The following GATA4 variants were observed in gnomAD, a reference collection of about 807,000 sequenced individuals.
The protein encoded by GATA4 is GATA binding protein 4, also known as transcription factor GATA-4.
Under a neutral mutation model 37.9 loss-of-function variants are expected in GATA4, and 7 were observed. The ratio of observed to expected loss-of-function variants is 0.18; its 90% CI spans 0.11 to 0.35. GATA4 has a LOEUF of 0.35. Ranked by LOEUF, GATA4 falls within the 10% of genes least tolerant of loss-of-function variation. The pLI, the probability that GATA4 is intolerant of heterozygous loss-of-function variation, is 1.00. For missense variants in GATA4, 647 were observed against 653.0 expected (o/e 0.99, Z 0.10); for synonymous variants, 372 against 292.6 (o/e 1.27, Z -2.77).
chr8:11,734,144 A>G (rs1801338466), intron 2 of GATA4, among the ~76,000 whole-genome samples: 1 of 152,256 alleles, frequency 6.6e-6, no homozygotes, highest in Non-Finnish European at 1.5e-5. Context: ...ACATTTGAAC[A>G]TGGCTAAAAT....
intron 1 of GATA4, among the ~76,000 whole-genome samples, chr8:11,687,397 C>T (rs926004641): frequency 6.6e-6 from 1 of 152,120 alleles, no homozygotes; most frequent in South Asian, 2.1e-4. Flanking sequence ...TAATCTCCAC[C>T]TGTAATCAAA....
upstream of GATA4, among the ~76,000 whole-genome samples, chr8:11,687,927 GT>G (rs1301612156): frequency 6.6e-6 from 1 of 152,176 alleles, no homozygotes; most frequent in Non-Finnish European, 1.5e-5. Flanking sequence ...CACTCCATGA[GT>G]TCATGGAAAA....
At chr8:11,684,301 C>A (rs1328657324) in intron 1 of GATA4, among the ~76,000 whole-genome samples, 2 of 152,224 alleles carry the variant, frequency 1.3e-5, no homozygotes, top group Admixed American at 1.3e-4. Context: ...AGTTCCCACA[C>A]AAACACCTAC....
At chr8:11,680,883 C>T (rs994935691) in intron 1 of GATA4, 1 of 985,252 alleles carries the variant, frequency 1.0e-6, no homozygotes, top group Admixed American at 6.1e-5. Context: ...CAGTTGCGAC[C>T]CCCTGTGTGA....
intron 2 of GATA4, among the ~76,000 whole-genome samples, chr8:11,710,131 C>T (rs937862610): frequency 6.6e-6 from 1 of 152,194 alleles, no homozygotes; most frequent in Non-Finnish European, 1.5e-5. Context: ...AAATTGTCCT[C>T]TGGCCCTGGG....
At chr8:11,689,254 G>T (rs1236122413), upstream of GATA4, among the ~76,000 whole-genome samples, 1 of 152,180 alleles carries the variant, frequency 6.6e-6, no homozygotes, top group Non-Finnish European at 1.5e-5. Flanking sequence ...AAAAGAAATG[G>T]GAAGACATTC....
chr8:11,687,354 T>G (rs1270416464), intron 1 of GATA4, among the ~76,000 whole-genome samples: 1 of 152,064 alleles, frequency 6.6e-6, no homozygotes, highest in Non-Finnish European at 1.5e-5. Context: ...CAGAGAAGTA[T>G]CCAAGGTGCT....
intron 2 of GATA4, among the ~76,000 whole-genome samples, chr8:11,725,080 T>C (rs1800852503): frequency 6.6e-6 from 1 of 152,214 alleles, no homozygotes; most frequent in Non-Finnish European, 1.5e-5. Flanking sequence ...GCTGTCCTTC[T>C]GTGTTGTCAT....
chr8:11,739,716 G>A (rs749404790), intron 2 of GATA4, among the ~76,000 whole-genome samples: 2 of 147,366 alleles, frequency 1.4e-5, no homozygotes, highest in Non-Finnish European at 3.0e-5. Flanking sequence ...GTTGAAACTC[G>A]ATGGCTCTGT....
intron 1 of GATA4, among the ~76,000 whole-genome samples, chr8:11,705,543 G>A (rs1436183167): frequency 6.6e-6 from 1 of 152,188 alleles, no homozygotes; most frequent in Admixed American, 6.5e-5. Context: ...CGAATTTGGG[G>A]TGAACTGGGA....
At chr8:11,757,209 C>G (rs976818259) in intron 6 of GATA4, 126 bp downstream of exon 6, 10 of 1,406,548 alleles carry the variant, frequency 7.1e-6, no homozygotes, top group African/African-American at 1.4e-5. Context: ...GAGCTACCCT[C>G]TGCGCTAGGA....
intron 4 of GATA4, among the ~76,000 whole-genome samples, chr8:11,750,988 A>G (rs1275178700): frequency 1.3e-5 from 2 of 152,128 alleles, no homozygotes; most frequent in African/African-American, 4.8e-5. Context: ...CTGCAAAGAA[A>G]ATCAGACAAT....
chr8:11,684,302 A>C (rs930707455), intron 1 of GATA4, among the ~76,000 whole-genome samples: 19 of 152,240 alleles, frequency 1.2e-4, no homozygotes, highest in African/African-American at 4.6e-4. Context: ...GTTCCCACAC[A>C]AACACCTACA....
At chr8:11,711,944 CCAGA>C (rs1398531115) in intron 2 of GATA4, among the ~76,000 whole-genome samples, 2 of 151,972 alleles carry the variant, frequency 1.3e-5, no homozygotes, top group Non-Finnish European at 1.5e-5. Flanking sequence ...CCTAAGATGG[CCAGA>C]CAGTGTGGTG....
upstream of GATA4, among the ~76,000 whole-genome samples, chr8:11,699,179 A>G (rs550130221): frequency 4.8e-4 from 73 of 151,962 alleles, no homozygotes; most frequent in African/African-American, 1.5e-3. Flanking sequence ...TGATCGGTGC[A>G]TGTGTGTGGA....
intron 1 of GATA4, chr8:11,698,051 G>T (rs1192394063): frequency 1.0e-6 from 1 of 979,696 alleles, no homozygotes; most frequent in African/African-American, 1.7e-5. Flanking sequence ...TCCCGGTCGG[G>T]TTCTCTCTCC....
chr8:11,682,801 T>C (rs956254487), intron 1 of GATA4, among the ~76,000 whole-genome samples: 1 of 152,168 alleles, frequency 6.6e-6, no homozygotes, highest in African/African-American at 2.4e-5. Flanking sequence ...AAACACCTCT[T>C]GGCCGTGGCG....
intron 2 of GATA4, among the ~76,000 whole-genome samples, chr8:11,720,780 T>G (rs1345026419): frequency 7.5e-6 from 1 of 132,954 alleles, no homozygotes; most frequent in African/African-American, 3.6e-5. Flanking sequence ...CCTGATCTGG[T>G]TTTTTTTTTA....
intron 2 of GATA4, among the ~76,000 whole-genome samples, chr8:11,725,528 G>C (rs1213243109): frequency 2.6e-5 from 4 of 152,236 alleles, no homozygotes; most frequent in African/African-American, 9.6e-5. Context: ...CTGGTTTCCT[G>C]TTGGGAGAAG....
Sources: allele counts gnomAD v4.1 joint callset (sites outside exome capture counted in the v4.1 genomes callset), GRCh38; gene constraint gnomAD v4.1.1; transcripts MANE v1.5; gene names NCBI Gene and HGNC (gene_info 2026-07-23, HGNC 2026-07-21).